VWA3A: variants seen among roughly 807,000 people sequenced by gnomAD.
The protein encoded by VWA3A is von Willebrand factor A domain containing 3A.
Under a neutral mutation model 160.4 loss-of-function variants are expected in VWA3A, and 134 were observed. The observed-to-expected ratio is 0.84, with a 90% CI of 0.73 to 0.96. The LOEUF is 0.96. VWA3A is among the 40% of genes least tolerant of loss of function. The pLI is 0.00. For missense variants in VWA3A, 1,310 were observed against 1,447.9 expected, an observed-to-expected ratio of 0.90 and a Z score of 1.55; for synonymous variants, 476 against 543.4, an observed-to-expected ratio of 0.88 and a Z score of 1.72.
In VWA3A at chr16:22,131,630, C is replaced by T. The variant is rs746844963; in HGVS notation, c.1773C>T (p.Ser591=). The T allele has an allele frequency of 5.0e-6, 8 of 1,613,832 alleles. No homozygotes were observed. Among genetic ancestry groups the T allele is most frequent in the East Asian group, 2.2e-5 (1 of 44,878 alleles). Residue 591 remains serine, a synonymous_variant, in exon 19 of 34, where the codon AGC becomes AGT. Coordinates refer to ENST00000389398, the MANE Select transcript of VWA3A (RefSeq NM_173615.5). ...GTCGGGGCAGCAGGAACGTTCTCAG[C>T]GCCCTGCGGAAGGCTGTGGAAGTAG... is the stretch of plus-strand genomic sequence containing the variant. The part of the protein sequence containing the change: ...LRCRGSRNVL[S]ALRKAVEVDF...
rs1475399781 is a variant in VWA3A, at chr16:22,109,487, T to C, written c.489T>C (p.Phe163=). 9.4e-6 allele frequency: 15 copies of C among 1,598,416 alleles called. No individual in the cohort carries two copies. The highest frequency in any genetic ancestry group is 1.2e-5 in the Non-Finnish European group (14 of 1,172,648). The part of the protein sequence containing the change: ...QWLTENSKKA[F]GLIKGARVSI... ...AATGCCCTCTTTGGTTTTAGGCATT[T>C]GGCCTCATCAAAGGGGCCAGAGTCA... The change falls in exon 7 of 34, where the codon TTT becomes TTC. Residue 163 remains phenylalanine (F), a synonymous_variant. Transcript: ENST00000389398.
At chr16:22,126,964 T>C (rs2141939229) in intron 17 of VWA3A, among the ~76,000 whole-genome samples, 1 of 149,994 alleles carries the variant, frequency 6.7e-6, no homozygotes, top group Non-Finnish European at 1.5e-5. Flanking sequence ...AGAGAGGTTT[T>C]GAAGATTTGA....
intron 22 of VWA3A, 164 bp downstream of exon 22, chr16:22,138,676 C>T (rs1042349211): frequency 7.5e-6 from 7 of 933,198 alleles, no homozygotes; most frequent in Non-Finnish European, 1.1e-5. Flanking sequence ...GGGAAAATCT[C>T]CCGCGGGGGG....
intron 12 of VWA3A, 121 bp from the exon 13 acceptor site, chr16:22,120,847 T>C: frequency 7.8e-7 from 1 of 1,280,154 alleles, no homozygotes. Context: ...CAAAACTGCC[T>C]TTAATCTACC....
intron 17 of VWA3A, among the ~76,000 whole-genome samples, chr16:22,127,771 C>T (rs1403198157): frequency 6.6e-6 from 1 of 152,182 alleles, no homozygotes; most frequent in Non-Finnish European, 1.5e-5. Context: ...ACACACAAAA[C>T]TCATCCTCGA....
intron 31 of VWA3A, among the ~76,000 whole-genome samples, chr16:22,154,979 A>C (rs1487899179): frequency 4.5e-4 from 36 of 80,216 alleles, no homozygotes; most frequent in Non-Finnish European, 5.3e-4. Flanking sequence ...AAAAAAAAAA[A>C]AAAAAAAAAA....
intron 5 of VWA3A, among the ~76,000 whole-genome samples, chr16:22,101,544 A>T (rs1405282866): frequency 6.6e-6 from 1 of 152,162 alleles, no homozygotes; most frequent in African/African-American, 2.4e-5. Context: ...CCTCACATTC[A>T]TGGCAGAAGA....
chr16:22,106,538 T>C (rs1338013259), intron 6 of VWA3A, among the ~76,000 whole-genome samples: 1 of 151,804 alleles, frequency 6.6e-6, no homozygotes, highest in Non-Finnish European at 1.5e-5. Context: ...AGTCCAAAAG[T>C]CTTGAGGCAG....
At chr16:22,097,787 A>G (rs901105769) in intron 3 of VWA3A, 92 bp downstream of exon 3, 39 of 1,490,956 alleles carry the variant, frequency 2.6e-5, no homozygotes, top group Middle Eastern at 1.7e-4. Context: ...CTTCCTTCTC[A>G]TAGGATTCTA....
rs749197748 is a variant in VWA3A at position 22,131,608 on chromosome 16, G to A, written c.1751G>A (p.Arg584Gln). 5.0e-6 allele frequency: 8 copies of A among 1,613,542 alleles called. No homozygotes were observed. The highest frequency in any genetic ancestry group is 3.3e-5 in the Admixed American group (2 of 59,976). ...AWRWALNLRC[R>Q]GSRNVLSALR... is the part of the protein sequence containing the mutation. ...AGGTGGGCCCTGAACCTGCGGTGTC[G>A]GGGCAGCAGGAACGTTCTCAGCGCC... is the stretch of plus-strand genomic sequence containing the variant. Residue 584 changes from arginine to glutamine, a missense_variant, in exon 19 of 34, where the codon CGG (arginine) becomes CAG (glutamine). Transcript: ENST00000389398.
intron 33 of VWA3A, 54 bp downstream of exon 33, chr16:22,155,970 G>T: frequency 1.3e-6 from 2 of 1,563,270 alleles, no homozygotes; most frequent in Admixed American, 1.8e-5. Context: ...AGCACCAAGT[G>T]GCATGCTCTA....
At chr16:22,114,502 A>C (rs1307325207) in intron 8 of VWA3A, among the ~76,000 whole-genome samples, 1 of 152,226 alleles carries the variant, frequency 6.6e-6, no homozygotes, top group Non-Finnish European at 1.5e-5. Flanking sequence ...AAAAGCTCAG[A>C]TCTTAGAGTC....
intron 6 of VWA3A, among the ~76,000 whole-genome samples, chr16:22,109,181 G>T (rs895979335): frequency 6.6e-6 from 1 of 152,078 alleles, no homozygotes; most frequent in Non-Finnish European, 1.5e-5. Flanking sequence ...CAAACAAAGG[G>T]TGCTTTTCTA....
chr16:22,116,836 T>A lies in VWA3A; in HGVS notation c.893T>A (p.Ile298Asn). The change falls in exon 10 of 34, where the codon ATC (isoleucine) becomes AAC (asparagine). Residue 298 changes from isoleucine (I) to asparagine (N), a missense_variant. Physicochemically the swap from Ile to Asn is moderately radical, Grantham distance 149. Coordinates refer to ENST00000389398, the MANE Select transcript of VWA3A (RefSeq NM_173615.5). ...TMGRDLIIHF[I>N]TYRCDDQMPP... Reference sequence around the variant, plus strand: ...GGAAGAGACCTCATCATCCACTTCATCACCTACAGATGCGATGATCAGATG... The same window carrying A: ...GGAAGAGACCTCATCATCCACTTCAACACCTACAGATGCGATGATCAGATG... The A allele has an allele frequency of 6.2e-7, 1 of 1,613,380 alleles. No individual in the cohort carries two copies. The highest frequency in any genetic ancestry group is 8.5e-7 in the Non-Finnish European group (1 of 1,179,852).
chr16:22,094,443 GTTTAA>G (rs1426610755), intron 1 of VWA3A, among the ~76,000 whole-genome samples: 1 of 151,944 alleles, frequency 6.6e-6, no homozygotes, highest in East Asian at 1.9e-4. Context: ...TTATTAGGCT[GTTTAA>G]TTTAATGATT....
At chr16:22,155,810 G>A (rs2046431187) in intron 32 of VWA3A, 41 bp from the exon 33 acceptor site, 1 of 1,613,386 alleles carries the variant, frequency 6.2e-7, no homozygotes, top group Non-Finnish European at 8.5e-7. Flanking sequence ...CAGAAATCTG[G>A]GCACCAGGGA....
In VWA3A at chr16:22,132,920, G is replaced by T. The variant is rs959153963; in HGVS notation, c.1893G>T (p.Met631Ile). The T allele has an allele frequency of 6.2e-7, 1 of 1,613,514 alleles. No individual in the cohort carries two copies. The highest frequency in any genetic ancestry group is 1.3e-5 in the African/African-American group (1 of 74,902). ...DQDMPTLSAY[M>I]AEACGGCDLQ... Reference sequence around the variant, plus strand: ...ACCAGCCTACACTCAGTGCCTACATGGCTGAGGCCTGTGGCGGCTGCGACC... The same window carrying T: ...ACCAGCCTACACTCAGTGCCTACATTGCTGAGGCCTGTGGCGGCTGCGACC... Residue 631 changes from methionine to isoleucine, a missense_variant, in exon 20 of 34, where the codon ATG becomes ATT. Met to Ile is a conservative substitution (Grantham distance 10, BLOSUM62 1). Coordinates refer to ENST00000389398, the MANE Select transcript of VWA3A (RefSeq NM_173615.5).
At chr16:22,137,902 C>T (rs1435265221) in intron 21 of VWA3A, among the ~76,000 whole-genome samples, 1 of 152,180 alleles carries the variant, frequency 6.6e-6, no homozygotes, top group South Asian at 2.1e-4. Flanking sequence ...AACGGGGATG[C>T]AAACAGCCAG....
chr16:22,138,918 G>T (rs991471513), intron 22 of VWA3A, among the ~76,000 whole-genome samples: 1 of 152,086 alleles, frequency 6.6e-6, no homozygotes, highest in Non-Finnish European at 1.5e-5. Flanking sequence ...GAGCCTGAGG[G>T]TGGGCTGAGC....
Sources: allele counts gnomAD v4.1 joint callset (sites outside exome capture counted in the v4.1 genomes callset), GRCh38; gene constraint gnomAD v4.1.1; transcripts MANE v1.5; gene names NCBI Gene and HGNC (gene_info 2026-07-23, HGNC 2026-07-21).